Variants in SEC23IP observed in about 807,000 individuals in gnomAD.
SEC23IP encodes the protein SEC23 interacting protein, also known as SEC23-interacting protein.
SEC23IP carries 70 observed loss-of-function variants against 113.4 expected under a neutral mutation model. The observed-to-expected ratio is 0.62, with a 90% CI of 0.51 to 0.75. The LOEUF is 0.75. Ranked by LOEUF, SEC23IP falls within the 30% of genes least tolerant of loss-of-function variation. SEC23IP has a pLI of 0.00. For synonymous variants in SEC23IP, 398 were observed against 421.0 expected (o/e 0.95, Z 0.67); for missense variants, 1,160 against 1,204.9 (o/e 0.96, Z 0.55).
rs1855127621 is a variant in SEC23IP at position 119,918,453 on chromosome 10, C to A, written c.1814C>A (p.Pro605His). ...NQKDLNLSKCPGPLAVANGVV... is the reference protein window; with the variant it reads ...NQKDLNLSKCHGPLAVANGVV... ...AAAGATTTGAATTTATCAAAGTGCC[C>A]TGGACCTCTTGCTGTTGCTAATGGA... The change falls in exon 10 of 19, where the codon CCT (proline) becomes CAT (histidine). Residue 605 changes from proline to histidine, a missense_variant. Physicochemically the swap from Pro to His is moderately conservative, Grantham distance 77. Transcript: ENST00000369075. 4 of 1,613,732 alleles carry A rather than the reference C, an allele frequency of 2.5e-6. No individual in the cohort carries two copies. The highest frequency in any genetic ancestry group is 1.1e-5 in the South Asian group (1 of 91,086).
At chr10:119,916,020 T>C in intron 8 of SEC23IP, 131 bp downstream of exon 8, 9 of 707,260 alleles carry the variant, frequency 1.3e-5, no homozygotes, top group Non-Finnish European at 1.9e-5. Flanking sequence ...TGACATATAA[T>C]TAAATATTGG....
intron 1 of SEC23IP, among the ~76,000 whole-genome samples, chr10:119,895,191 C>T (rs906250134): frequency 2.6e-5 from 4 of 152,070 alleles, no homozygotes; most frequent in African/African-American, 9.7e-5. Context: ...CAAGACCAAC[C>T]TGGCCAACAT....
chr10:119,942,083 A>C lies in SEC23IP; in HGVS notation c.*1518A>C, dbSNP rs1463471534. The C allele has an allele frequency of 1.3e-5, 2 of 152,218 alleles. No individual in the cohort carries two copies. The allele number at this position is 152,218 out of a possible 1,614,324, so 9.4% of individuals were successfully genotyped here. Reference sequence around the variant, plus strand: ...TCACTTAATTTCCCAATACTGATGAAATAAAGAAAAATGAGGGTTATTTAT... The same window carrying C: ...TCACTTAATTTCCCAATACTGATGACATAAAGAAAAATGAGGGTTATTTAT... On this transcript the variant is annotated 3_prime_UTR_variant, in exon 19 of 19. Coordinates refer to ENST00000369075, the MANE Select transcript of SEC23IP (RefSeq NM_007190.4).
At chr10:119,902,246 C>T (rs550907439) in intron 2 of SEC23IP, among the ~76,000 whole-genome samples, 17 of 152,250 alleles carry the variant, frequency 1.1e-4, no homozygotes, top group Middle Eastern at 3.4e-3. Context: ...ATCCCAGCTA[C>T]TTGGGAGGCT....
Position 119,919,543 on chromosome 10 carries a change from C to A in SEC23IP, c.1972C>A (p.Leu658Ile). 6.2e-7 allele frequency: 1 copy of A among 1,613,664 alleles called. No individual in the cohort carries two copies. Among genetic ancestry groups the A allele is most frequent in the Admixed American group, 1.7e-5 (1 of 59,988 alleles). ...GCAAGAAACTCTGGAAGCACTTAGC[C>A]TCTCTGAATATTTTAGCACTTTTGA... ...TLQETLEALS[L>I]SEYFSTFEKE... Residue 658 changes from leucine to isoleucine, a missense_variant, in exon 11 of 19, where the codon CTC becomes ATC. Transcript: ENST00000369075.
At chr10:119,897,842 A>G (rs1854327398) in intron 1 of SEC23IP, among the ~76,000 whole-genome samples, 1 of 151,464 alleles carries the variant, frequency 6.6e-6, no homozygotes, top group African/African-American at 2.4e-5. Context: ...TACTAAAAAA[A>G]AAAAATACAA....
chr10:119,909,776 A>G (rs1433335856), intron 5 of SEC23IP, among the ~76,000 whole-genome samples: 2 of 151,904 alleles, frequency 1.3e-5, no homozygotes, highest in African/African-American at 4.8e-5. Context: ...GCACCTGTCT[A>G]GCTACTCGGG....
intron 7 of SEC23IP, 26 bp downstream of exon 7, chr10:119,914,845 A>G (rs780501791): frequency 8.2e-6 from 13 of 1,591,524 alleles, no homozygotes; most frequent in Non-Finnish European, 1.0e-5. Context: ...ATTGTATTTC[A>G]TGGGATGATC....
intron 16 of SEC23IP, 125 bp downstream of exon 16, chr10:119,932,443 A>G: frequency 7.4e-6 from 5 of 679,532 alleles, no homozygotes; most frequent in Non-Finnish European, 1.2e-5. Context: ...TCTTTAAAGG[A>G]AAATCTGTTA....
intron 12 of SEC23IP, 54 bp downstream of exon 12, chr10:119,921,038 GT>G: frequency 7.7e-7 from 1 of 1,296,826 alleles, no homozygotes; most frequent in Non-Finnish European, 1.1e-6. Flanking sequence ...TGACCAGCTC[GT>G]TTATATTATA....
intron 2 of SEC23IP, among the ~76,000 whole-genome samples, chr10:119,900,140 G>T (rs550889621): frequency 2.9e-4 from 44 of 151,914 alleles, no homozygotes; most frequent in African/African-American, 1.1e-3. Context: ...CTAAATTCCT[G>T]GTGTACATTT....
intron 7 of SEC23IP, among the ~76,000 whole-genome samples, 157 bp from the exon 8 acceptor site, chr10:119,915,591 T>G (rs1019718764): frequency 2.6e-5 from 4 of 152,198 alleles, no homozygotes; most frequent in Non-Finnish European, 5.9e-5. Context: ...ATTCCTTTCT[T>G]TTTAAAAAAT....
intron 6 of SEC23IP, 56 bp from the exon 7 acceptor site, chr10:119,914,674 G>A: frequency 2.8e-6 from 4 of 1,429,026 alleles, no homozygotes; most frequent in Non-Finnish European, 3.9e-6. Flanking sequence ...ATTGCCATTA[G>A]GAAAATCCAA....
In SEC23IP at chr10:119,904,069, A is replaced by T; in HGVS notation, c.908-15A>T. On this transcript the variant is annotated splice_polypyrimidine_tract_variant and intron_variant, in intron 3 of 18. Coordinates refer to ENST00000369075, the MANE Select transcript of SEC23IP (RefSeq NM_007190.4). ...CCTTGCAGCAGTTAGGAAAAGTGTT[A>T]ATTTTGTTCTCTAGTTCAGCCAGAT... 1 of 1,611,748 alleles carries T rather than the reference A, an allele frequency of 6.2e-7. No homozygotes were observed. Among genetic ancestry groups the T allele is most frequent in the Non-Finnish European group, 8.5e-7 (1 of 1,178,270 alleles).
chr10:119,917,440 G>A (rs1855090329), intron 8 of SEC23IP, among the ~76,000 whole-genome samples: 1 of 150,422 alleles, frequency 6.6e-6, no homozygotes, highest in South Asian at 2.1e-4. Flanking sequence ...ATGCAGTGGT[G>A]CAGTCTCAGC....
chr10:119,923,571 G>A (rs1305612331), intron 12 of SEC23IP, among the ~76,000 whole-genome samples: 2 of 146,650 alleles, frequency 1.4e-5, no homozygotes, highest in Admixed American at 6.9e-5. Context: ...TTTTTTGAAA[G>A]GGAGTCTTGC....
At position 119,918,501 on chromosome 10, in the gene SEC23IP, A is replaced by G. The variant is rs760746099; in HGVS notation, c.1862A>G (p.Gln621Arg). 1.9e-6 allele frequency: 3 copies of G among 1,602,116 alleles called. No homozygotes were observed. Among genetic ancestry groups the G allele is most frequent in the East Asian group, 2.2e-5 (1 of 44,842 alleles). Residue 621 changes from glutamine (Q) to arginine (R), a missense_variant, in exon 10 of 19, where the codon CAG becomes CGG. Physicochemically the swap from Gln to Arg is conservative, Grantham distance 43 (BLOSUM62 1). Coordinates refer to ENST00000369075, the MANE Select transcript of SEC23IP (RefSeq NM_007190.4). ...GGAGTTGTGAAGCAGCTACATTTTC[A>G]GGAAAAGCAGGTACGTCTGTACGTG... ...ANGVVKQLHF[Q>R]EKQMPEEPKL...
At chr10:119,899,153 A>G (rs890145202) in intron 2 of SEC23IP, among the ~76,000 whole-genome samples, 194 bp downstream of exon 2, 2 of 152,242 alleles carry the variant, frequency 1.3e-5, no homozygotes, top group Non-Finnish European at 2.9e-5. Flanking sequence ...ATTTTAGTGT[A>G]TATTACCTGT....
At chr10:119,914,435 A>G in intron 6 of SEC23IP, 1 of 366,044 alleles carries the variant, frequency 2.7e-6, no homozygotes, top group Non-Finnish European at 5.1e-6. Flanking sequence ...GTTCTGAAGC[A>G]TCACAAGGTT....
Sources: allele counts gnomAD v4.1 joint callset (sites outside exome capture counted in the v4.1 genomes callset), GRCh38; gene constraint gnomAD v4.1.1; transcripts MANE v1.5; gene names NCBI Gene and HGNC (gene_info 2026-07-23, HGNC 2026-07-21).